POU3F3: variants seen among roughly 807,000 people sequenced by gnomAD.
POU3F3 encodes the protein POU class 3 homeobox 3.
A neutral mutation model predicts 8.6 loss-of-function variants in POU3F3; 1 was observed. The observed-to-expected ratio is 0.12, with a 90% CI of 0.04 to 0.55. POU3F3 has a LOEUF of 0.55. POU3F3 is among the 20% of genes least tolerant of loss of function. The pLI is 0.91. For missense variants in POU3F3, 577 were observed against 690.7 expected (o/e 0.84, Z 1.84); for synonymous variants, 418 against 327.4 (o/e 1.28, Z -2.99).
the POU3F3 span, among the ~76,000 whole-genome samples, chr2:104,870,596 G>A: frequency 6.6e-6 from 1 of 152,184 alleles, no homozygotes; most frequent in Non-Finnish European, 1.5e-5. Context: ...TAAACTATGG[G>A]ACAATGAGCA....
At chr2:104,862,904 T>C (rs1676683239), downstream of POU3F3, among the ~76,000 whole-genome samples, 1 of 151,962 alleles carries the variant, frequency 6.6e-6, no homozygotes, top group Non-Finnish European at 1.5e-5. Flanking sequence ...TGCCTTTCAA[T>C]TACAGATCAA....
At chr2:104,919,451 G>A in the POU3F3 span, among the ~76,000 whole-genome samples, 1 of 152,278 alleles carries the variant, frequency 6.6e-6, no homozygotes, top group South Asian at 2.1e-4. Context: ...TGGCTTTAGG[G>A]GTTGAATGTT....
chr2:104,914,726 A>G, the POU3F3 span, among the ~76,000 whole-genome samples: 1 of 152,152 alleles, frequency 6.6e-6, no homozygotes, highest in Non-Finnish European at 1.5e-5. Flanking sequence ...TTATAGCATG[A>G]TGTTCCCTGC....
the POU3F3 span, among the ~76,000 whole-genome samples, chr2:104,910,202 G>T: frequency 6.6e-6 from 1 of 152,072 alleles, no homozygotes; most frequent in Non-Finnish European, 1.5e-5. Flanking sequence ...GAGTGACTTG[G>T]GGTTCTTTAT....
Position 104,857,196 on chromosome 2 carries a change from G to C in POU3F3, c.*183G>C. The C allele has an allele frequency of 1.6e-6, 1 of 631,452 alleles. No homozygotes were observed. Among genetic ancestry groups the C allele is most frequent in the Non-Finnish European group, 2.0e-6 (1 of 505,700 alleles). 39.1% of individuals were successfully genotyped at this position (631,452 alleles called of 1,614,324 possible). The stretch of plus-strand genomic sequence containing the variant: ...CATCCGCCGCCCTCCCCTCCACCCA[G>C]AGACAGGCATGCCCGCCCTTGGAGG... On this transcript the variant is annotated 3_prime_UTR_variant, in exon 1 of 1. Coordinates refer to ENST00000361360, the MANE Select transcript of POU3F3 (RefSeq NM_006236.3).
chr2:104,862,420 C>T (rs1277031279), downstream of POU3F3, among the ~76,000 whole-genome samples: 1 of 152,202 alleles, frequency 6.6e-6, no homozygotes, highest in Non-Finnish European at 1.5e-5. Context: ...GACCCCGAAG[C>T]CCTAGGGGTA....
the POU3F3 span, among the ~76,000 whole-genome samples, chr2:104,883,716 C>G: frequency 6.6e-6 from 1 of 152,210 alleles, no homozygotes; most frequent in African/African-American, 2.4e-5. Flanking sequence ...AGAAAATCAG[C>G]ATATTGTGTT....
the POU3F3 span, among the ~76,000 whole-genome samples, chr2:104,906,556 T>C: frequency 2.0e-5 from 3 of 152,324 alleles, no homozygotes; most frequent in Non-Finnish European, 4.4e-5. Context: ...GTGTCCTTTT[T>C]GTCATGTTAA....
the POU3F3 span, among the ~76,000 whole-genome samples, chr2:104,921,796 C>T: frequency 9.9e-5 from 15 of 152,088 alleles, no homozygotes; most frequent in Admixed American, 7.2e-4. Flanking sequence ...AGGAGTTTGA[C>T]GCCAGCCTGG....
At position 104,856,968 on chromosome 2, in the gene POU3F3, C is replaced by T. The variant is rs779530854; in HGVS notation, c.1458C>T (p.Ala486=). The change falls in exon 1 of 1, where the codon GCC becomes GCT. Residue 486 remains alanine (A), a synonymous_variant. Transcript: ENST00000361360. ...DVYSQVGTVS[A]DTPPPHHGLQ... is the part of the protein sequence containing the mutation. ...ACTCGCAGGTGGGCACCGTGAGCGC[C>T]GACACGCCGCCGCCTCACCACGGGC... is the stretch of plus-strand genomic sequence containing the variant. The T allele has an allele frequency of 1.9e-6, 3 of 1,610,758 alleles. No individual in the cohort carries two copies. Among genetic ancestry groups the T allele is most frequent in the South Asian group, 1.1e-5 (1 of 90,898 alleles).
chr2:104,868,157 C>G, the POU3F3 span: 5 of 437,638 alleles, frequency 1.1e-5, no homozygotes, highest in Non-Finnish European at 1.8e-5. Flanking sequence ...CCCCACACCC[C>G]CATGGGGTTC....
the POU3F3 span, among the ~76,000 whole-genome samples, chr2:104,883,601 C>G: frequency 2.6e-5 from 4 of 152,184 alleles, no homozygotes; most frequent in African/African-American, 9.7e-5. Context: ...CATTTCTCTT[C>G]TTTTAGCACC....
At chr2:104,883,236 C>T in the POU3F3 span, among the ~76,000 whole-genome samples, 1 of 152,206 alleles carries the variant, frequency 6.6e-6, no homozygotes, top group Non-Finnish European at 1.5e-5. Context: ...GCAGAGCCAT[C>T]CTGGTGGGTA....
chr2:104,906,333 G>T, the POU3F3 span, among the ~76,000 whole-genome samples: 1 of 152,192 alleles, frequency 6.6e-6, no homozygotes, highest in African/African-American at 2.4e-5. Flanking sequence ...CAATGGATCA[G>T]TAGCTGGGTT....
chr2:104,891,056 A>T, the POU3F3 span, among the ~76,000 whole-genome samples: 49,587 of 152,076 alleles, frequency 0.33, 8,340 homozygotes, highest in Non-Finnish European at 0.38. Context: ...GAGGCTTCCT[A>T]TCTGTAAGCT....
At chr2:104,893,081 G>A in the POU3F3 span, among the ~76,000 whole-genome samples, 1,445 of 152,238 alleles carry the variant, frequency 9.5e-3, 14 homozygotes, top group Non-Finnish European at 0.016. Context: ...TTTTATGGAC[G>A]ATTAGCAACA....
chr2:104,868,478 G>C, the POU3F3 span: 2 of 405,194 alleles, frequency 4.9e-6, no homozygotes, highest in African/African-American at 2.0e-5. Context: ...ACTCAACTCA[G>C]GAGAAGCTCA....
the POU3F3 span, among the ~76,000 whole-genome samples, chr2:104,918,965 A>G: frequency 1.3e-5 from 2 of 149,554 alleles, no homozygotes; most frequent in Non-Finnish European, 3.0e-5. Context: ...TCCGCTTCCC[A>G]GGTTCAAGCA....
chr2:104,883,222 CG>C, the POU3F3 span, among the ~76,000 whole-genome samples: 1 of 152,166 alleles, frequency 6.6e-6, no homozygotes, highest in Non-Finnish European at 1.5e-5. Context: ...GGGCCATTAG[CG>C]GGGCAGAGCC....
Sources: gnomAD v4.1 joint callset for allele counts (sites outside exome capture counted in the v4.1 genomes callset) on GRCh38, gnomAD v4.1.1 for gene constraint, MANE v1.5 for transcripts, NCBI Gene and HGNC (gene_info 2026-07-23, HGNC 2026-07-21) for gene names.